The following C2 variants were observed in gnomAD, a reference collection of about 807,000 sequenced individuals.
C2 encodes the protein C3/C5 convertase.
C2 carries 64 observed loss-of-function variants against 85.2 expected under a neutral mutation model. That is an observed-to-expected ratio of 0.75 (90% CI 0.61 to 0.92). C2 has a LOEUF of 0.92. Ranked by LOEUF, C2 falls within the 40% of genes least tolerant of loss-of-function variation. C2 has a pLI of 0.00. For synonymous variants in C2, 311 were observed against 370.8 expected (o/e 0.84, Z 1.85); for missense variants, 820 against 971.6 (o/e 0.84, Z 2.07).
intron 1 of C2, chr6:31,902,049 G>C (rs1029570366): frequency 2.7e-5 from 4 of 150,380 alleles, no homozygotes; most frequent in Admixed American, 2.7e-4. Context: ...CGCGCGCGCG[G>C]CGGCGGCGGC....
Position 31,943,306 on chromosome 6 carries a change from A to T in C2, c.1442A>T (p.His481Leu). ...TCTGACCAGGAGAGGACACCCTGGC[A>T]TGTCACTATTAAGGTACCAGGAAGG... ...NASDQERTPWHVTIKPKSQET... is the reference protein window; with the variant it reads ...NASDQERTPWLVTIKPKSQET... Residue 481 changes from histidine to leucine, a missense_variant, in exon 11 of 18, where the codon CAT (histidine) becomes CTT (leucine). By Grantham distance (99) the His-to-Leu change is moderately conservative. Coordinates refer to ENST00000299367, the MANE Select transcript of C2 (RefSeq NM_000063.6). This position sits in a 1 kb window ranked among gnomAD's most constrained non-coding sequence, Gnocchi z 6.4. The T allele has an allele frequency of 1.2e-6, 2 of 1,612,728 alleles. No individual in the cohort carries two copies. The highest frequency in any genetic ancestry group is 1.1e-5 in the South Asian group (1 of 91,076).
chr6:31,930,559 A>G (rs1442849293), intron 3 of C2, among the ~76,000 whole-genome samples: 2 of 152,150 alleles, frequency 1.3e-5, no homozygotes, highest in African/African-American at 2.4e-5. Context: ...GTGAATGGTG[A>G]GGGGCTCTGC....
intron 6 of C2, 135 bp downstream of exon 6, chr6:31,934,434 G>A: frequency 7.7e-7 from 1 of 1,303,490 alleles, no homozygotes; most frequent in Non-Finnish European, 1.1e-6. Context: ...CTCATGCCAT[G>A]TAGGAATCAT....
rs764728828 is a variant in C2, at chr6:31,935,892, C to T, written c.850-31C>T. On this transcript the variant is annotated intron_variant, in intron 6 of 17. Transcript: ENST00000299367. This position sits in a 1 kb window ranked among gnomAD's most constrained non-coding sequence, Gnocchi z 4.3. ...CCATCTCCCCTTTGGCTTCAGGGCCCTTTACGCTGCCTCTCACTTGCCCCG... is the reference window on the plus strand; with the variant it reads ...CCATCTCCCCTTTGGCTTCAGGGCCTTTTACGCTGCCTCTCACTTGCCCCG... The T allele has an allele frequency of 6.2e-7, 1 of 1,612,274 alleles. No homozygotes were observed. The highest frequency in any genetic ancestry group is 8.5e-7 in the Non-Finnish European group (1 of 1,179,916).
intron 3 of C2, among the ~76,000 whole-genome samples, chr6:31,929,766 G>A (rs588990): frequency 0.072 from 10,600 of 146,700 alleles, 418 homozygotes; most frequent in African/African-American, 0.11. Flanking sequence ...CCTCACGCCT[G>A]TAATCCCAGC....
chr6:31,908,200 C>T lies in C2; in HGVS notation c.73+7061C>T, dbSNP rs1443965942. ...CAAGACTGGGTCTTCCCGTGTTGCC[C>T]AGTCATTGATCTTGAATTCTTGGGT... is the stretch of plus-strand genomic sequence containing the variant. On this transcript the variant is annotated intron_variant, in intron 1 of 3. Transcript: ENST00000452202. 2.0e-5 allele frequency among the ~76,000 whole-genome samples: 3 copies of T among 150,324 alleles called. No homozygotes were observed. The Admixed American group carries it at 2.0e-4, about 10-fold the overall frequency.
At position 31,906,377 on chromosome 6, in the gene C2, G is replaced by A. The variant is rs751760596; in HGVS notation, c.73+5238G>A. Reference sequence around the variant, plus strand: ...CAGAGCTCCTTATCCCTAGCTCTTCGGAGCCCTCTCCCAGCCTCAACCTGC... The same window carrying A: ...CAGAGCTCCTTATCCCTAGCTCTTCAGAGCCCTCTCCCAGCCTCAACCTGC... On this transcript the variant is annotated intron_variant, in intron 1 of 3. Coordinates refer to the C2 transcript ENST00000452202. 2.2e-4 allele frequency among the ~76,000 whole-genome samples: 33 copies of A among 151,578 alleles called. 1 individual carries two copies. Among genetic ancestry groups the A allele is most frequent in the Non-Finnish European group, 4.0e-4 (27 of 67,934 alleles).
rs1562615447 is a variant in C2 at position 31,943,437 on chromosome 6, C to T, written c.1477C>T (p.Arg493Trp). Reference protein sequence around the residue: ...TIKPKSQETCRGALISDQWVL... With the variant: ...TIKPKSQETCWGALISDQWVL... ...GCAGCCCAAGAGCCAAGAGACCTGC[C>T]GGGGGGCCCTCATCTCCGACCAATG... The change falls in exon 12 of 18, where the codon CGG (arginine) becomes TGG (tryptophan). Residue 493 changes from arginine (R) to tryptophan (W), a missense_variant. Coordinates refer to ENST00000299367, the MANE Select transcript of C2 (RefSeq NM_000063.6). The surrounding 1 kb of genome is among the most constrained non-coding windows in gnomAD (Gnocchi z 6.4). The T allele has an allele frequency of 9.9e-6, 16 of 1,612,888 alleles. No individual in the cohort carries two copies. Among genetic ancestry groups the T allele is most frequent in the Admixed American group, 3.3e-5 (2 of 59,998 alleles).
chr6:31,930,278 T>C (rs1345277240), intron 3 of C2, among the ~76,000 whole-genome samples: 2 of 151,924 alleles, frequency 1.3e-5, no homozygotes, highest in Admixed American at 1.3e-4. Context: ...ACAGGGTTTC[T>C]CCATGTTGGC....
In C2 at chr6:31,904,154, G is replaced by GCTAAGCT. The variant is rs1767563458; in HGVS notation, c.73+3016_73+3017insTAAGCTC. Among the ~76,000 whole-genome samples the GCTAAGCT allele has an allele frequency of 6.6e-6, 1 of 151,944 alleles. No individual in the cohort carries two copies. On this transcript the variant is annotated intron_variant, in intron 1 of 3. Coordinates refer to the C2 transcript ENST00000452202. The surrounding 1 kb of genome is among the most constrained non-coding windows in gnomAD (Gnocchi z 4.4). ...CCGCCCATCCTTAGCTCATCTGAAA[G>GCTAAGCT]CATTTTTATCTTGAAGGCCCTGATC...
chr6:31,907,795 A>G (rs1767814601), intron 1 of C2, among the ~76,000 whole-genome samples: 1 of 143,624 alleles, frequency 7.0e-6, no homozygotes, highest in Admixed American at 7.0e-5. Context: ...CTCCTGCCTC[A>G]GCCTCTGGAG....
upstream of C2, among the ~76,000 whole-genome samples, chr6:31,918,031 ACTTTGGGAGGCC>A (rs2151725285): frequency 6.6e-6 from 1 of 152,304 alleles, no homozygotes; most frequent in South Asian, 2.1e-4. Context: ...AATTCCCAGC[ACTTTGGGAGGCC>A]TAGGTTGGAG....
chr6:31,914,200 CACGCCCAGCCAGGAGATTACTCT>C (rs1768325646), intron 1 of C2, among the ~76,000 whole-genome samples: 1 of 151,870 alleles, frequency 6.6e-6, no homozygotes, highest in Admixed American at 6.6e-5. Context: ...TGTGAGCCAC[CACGCCCAGCCAGGAGATTACTCT>C]TGATATTGTG....
chr6:31,933,887 C>T lies in C2; in HGVS notation c.637C>T (p.Pro213Ser). The change falls in exon 5 of 18, where the codon CCT becomes TCT. Residue 213 changes from proline (P) to serine (S), a missense_variant. Physicochemically the swap from Pro to Ser is moderately conservative, Grantham distance 74 (BLOSUM62 -1). Coordinates refer to ENST00000299367, the MANE Select transcript of C2 (RefSeq NM_000063.6). ...CACAGAACCCTACTCTTATGACTTC[C>T]CTGAGGACGTGGCCCCTGCCCTGGG... ...ICRQPYSYDF[P>S]EDVAPALGTS... 1.2e-6 allele frequency: 2 copies of T among 1,614,158 alleles called. No homozygotes were observed. Among genetic ancestry groups the T allele is most frequent in the Non-Finnish European group, 1.7e-6 (2 of 1,180,028 alleles).
chr6:31,945,491 G>C lies in C2; in HGVS notation c.*134G>C. 1.2e-6 allele frequency: 1 copy of C among 869,520 alleles called. No homozygotes were observed. The highest frequency in any genetic ancestry group is 1.4e-5 in the South Asian group (1 of 71,092). 53.9% of individuals were successfully genotyped at this position (869,520 alleles called of 1,614,324 possible). Reference sequence around the variant, plus strand: ...GTAAATCCGGGTCTCTAGGATGCCAGAGGCAGCGCACACAAGCTGGGAAAT... The same window carrying C: ...GTAAATCCGGGTCTCTAGGATGCCACAGGCAGCGCACACAAGCTGGGAAAT... On this transcript the variant is annotated 3_prime_UTR_variant, in exon 18 of 18. Transcript: ENST00000299367. The surrounding 1 kb of genome is among the most constrained non-coding windows in gnomAD (Gnocchi z 5.3).
upstream of C2, among the ~76,000 whole-genome samples, chr6:31,899,332 G>A (rs550326372): frequency 7.6e-6 from 1 of 131,648 alleles, no homozygotes; most frequent in East Asian, 2.5e-4. Flanking sequence ...CGCACCCCAC[G>A]TTCTCTTACC....
chr6:31,933,313 G>T (rs115277907), intron 3 of C2, among the ~76,000 whole-genome samples: 1,858 of 152,374 alleles, frequency 0.012, 17 homozygotes, highest in Non-Finnish European at 0.02. Context: ...CAAGGTAACA[G>T]AGTGCCAGTC....
chr6:31,933,719 G>C lies in C2; in HGVS notation c.552G>C (p.Thr184=). Residue 184 remains threonine, a synonymous_variant, in exon 4 of 18, where the codon ACG becomes ACC. Coordinates refer to ENST00000299367, the MANE Select transcript of C2 (RefSeq NM_000063.6). ...GCTGCTCCTCGAATCTTGTGCTCACGGGGTCTTCGGAGCGGGAGTGCCAGG... is the reference window on the plus strand; with the variant it reads ...GCTGCTCCTCGAATCTTGTGCTCACCGGGTCTTCGGAGCGGGAGTGCCAGG... The part of the protein sequence containing the change: ...RYRCSSNLVL[T]GSSERECQGN... 2 of 1,613,392 alleles carry C rather than the reference G, an allele frequency of 1.2e-6. No homozygotes were observed. Among genetic ancestry groups the C allele is most frequent in the Non-Finnish European group, 1.7e-6 (2 of 1,180,018 alleles).
chr6:31,936,225 TC>T, intron 7 of C2, 164 bp downstream of exon 7: 2 of 712,212 alleles, frequency 2.8e-6, no homozygotes, highest in South Asian at 1.6e-5. Flanking sequence ...GGTGGGGGAG[TC>T]CAGCTGCCCC....
Sources: gnomAD v4.1 joint callset for allele counts (sites outside exome capture counted in the v4.1 genomes callset) on GRCh38, gnomAD v4.1.1 for gene constraint, Gnocchi (gnomAD v3.1) non-coding constraint, MANE v1.5 for transcripts, NCBI Gene and HGNC (gene_info 2026-07-23, HGNC 2026-07-21) for gene names.